RAB12: variants seen among roughly 807,000 people sequenced by gnomAD.
RAB12 encodes the protein RAB12, member RAS oncogene family.
A neutral mutation model predicts 28.4 loss-of-function variants in RAB12; 11 were observed. The observed-to-expected ratio is 0.39, with a 90% CI of 0.24 to 0.64. The LOEUF (loss-of-function observed/expected upper bound fraction) is 0.64. RAB12 is among the 30% of genes least tolerant of loss of function. RAB12 has a pLI of 0.50. For synonymous variants in RAB12, 138 were observed against 145.3 expected, an observed-to-expected ratio of 0.95 and a Z score of 0.36; for missense variants, 276 against 351.1, an observed-to-expected ratio of 0.79 and a Z score of 1.71.
intron 1 of RAB12, among the ~76,000 whole-genome samples, chr18:8,621,012 A>C (rs1056818192): frequency 6.6e-6 from 1 of 152,184 alleles, no homozygotes; most frequent in African/African-American, 2.4e-5. Flanking sequence ...GAGGTTTTCA[A>C]AGGCAGGGAC....
chr18:8,634,283 CTT>C (rs752637908), intron 3 of RAB12, among the ~76,000 whole-genome samples: 5,156 of 92,506 alleles, frequency 0.056, 345 homozygotes, highest in African/African-American at 0.18. Flanking sequence ...CTCTCTCTCT[CTT>C]TTTTTTTTTT....
rs147768352 is a variant in RAB12 at position 8,625,008 on chromosome 18, A to C, written c.575+10A>C. 452 of 1,569,848 alleles carry C rather than the reference A, an allele frequency of 2.9e-4. 3 individuals carry two copies. In the African/African-American group the frequency reaches 3.5e-3, roughly 12 times the overall value. On this transcript the variant is annotated intron_variant, in intron 2 of 5. Transcript: ENST00000649141. ...TTAGATTACAGATCTGGTAAGTGGG[A>C]GAGTGTGCACCCAGTAATGTGCTGT...
intron 1 of RAB12, among the ~76,000 whole-genome samples, chr18:8,620,489 C>T (rs2096009310): frequency 6.6e-6 from 1 of 151,904 alleles, no homozygotes; most frequent in African/African-American, 2.4e-5. Flanking sequence ...GCTGCACACA[C>T]TCATATTTCC....
intron 2 of RAB12, 92 bp downstream of exon 2, chr18:8,625,090 C>A: frequency 1.3e-6 from 1 of 776,836 alleles, no homozygotes; most frequent in Non-Finnish European, 2.1e-6. Flanking sequence ...AGCTGATTTG[C>A]CTCTCCTACT....
At chr18:8,632,333 A>G (rs1359295147) in intron 2 of RAB12, among the ~76,000 whole-genome samples, 1 of 149,396 alleles carries the variant, frequency 6.7e-6, no homozygotes, top group Non-Finnish European at 1.5e-5. Context: ...TTTTTGTTTG[A>G]GTGTAACTTG....
At chr18:8,631,370 C>T (rs1377835497) in intron 2 of RAB12, among the ~76,000 whole-genome samples, 2 of 152,130 alleles carry the variant, frequency 1.3e-5, no homozygotes, top group Non-Finnish European at 2.9e-5. Context: ...CAGCTTCCAC[C>T]ATTTTACACA....
intron 1 of RAB12, among the ~76,000 whole-genome samples, chr18:8,622,656 G>A (rs1261119442): frequency 6.6e-6 from 1 of 152,234 alleles, no homozygotes. Flanking sequence ...CATTGTCATT[G>A]ATAACATCTT....
At chr18:8,637,998 G>A (rs2096019892) in intron 5 of RAB12, 151 bp from the exon 6 acceptor site, 4 of 589,806 alleles carry the variant, frequency 6.8e-6, no homozygotes, top group African/African-American at 1.9e-5. Context: ...AGGAGAAGGT[G>A]AGTGGGGAGG....
rs1321568821 is a variant in RAB12 at position 8,610,092 on chromosome 18, C to T, written c.514+139C>T. On this transcript the variant is annotated intron_variant, in intron 1 of 5. Transcript: ENST00000649141. ...CGGTGAAACTAGGGGCGGGGGTCTC[C>T]TTGGAGCGCCCTGCATCCCAATCCC... The T allele has an allele frequency of 9.5e-6, 6 of 629,416 alleles. No individual in the cohort carries two copies. In the East Asian group the frequency reaches 2.0e-4, roughly 21 times the overall value. 39.0% of individuals were successfully genotyped at this position (629,416 alleles called of 1,614,324 possible).
rs140703628 is a variant in RAB12, at chr18:8,620,944, AC to A, written c.515-3993del. ...CAAGGAGTTTCTCTAAGAAGAGAGA[AC>A]AGCAAAGACAGATGCTTTGCCAAGT... On this transcript the variant is annotated intron_variant, in intron 1 of 5. Transcript: ENST00000649141. 2.0e-3 allele frequency among the ~76,000 whole-genome samples: 308 copies of A among 152,332 alleles called. 1 individual carries two copies. The highest frequency in any genetic ancestry group is 7.2e-3 in the African/African-American group (299 of 41,582).
chr18:8,609,722 G>A lies in RAB12; in HGVS notation c.283G>A (p.Ala95Thr). The change falls in exon 1 of 6, where the codon GCG becomes ACG. Residue 95 changes from alanine (A) to threonine (T), a missense_variant. This residue lies in a region of RAB12 where 72 missense variants were observed against 55.5 expected (regional missense o/e 1.30). Transcript: ENST00000649141. ...GGRRAEREPH[A>T]CMDPGAALQR... is the part of the protein sequence containing the mutation. ...GCGGCGGGCCGAGCGGGAGCCGCAT[G>A]CGTGTATGGATCCGGGCGCCGCGCT... is the stretch of plus-strand genomic sequence containing the variant. 1 of 1,126,482 alleles carries A rather than the reference G, an allele frequency of 8.9e-7. No individual in the cohort carries two copies. Among genetic ancestry groups the A allele is most frequent in the East Asian group, 4.6e-5 (1 of 21,818 alleles). 69.8% of individuals were successfully genotyped at this position (1,126,482 alleles called of 1,614,324 possible).
chr18:8,619,107 A>G (rs1020125754), intron 1 of RAB12, among the ~76,000 whole-genome samples: 1 of 152,218 alleles, frequency 6.6e-6, no homozygotes, highest in Non-Finnish European at 1.5e-5. Context: ...TGGCAGTGAC[A>G]ACTACTGTTT....
chr18:8,616,773 T>A (rs1164132443), intron 1 of RAB12, among the ~76,000 whole-genome samples: 60 of 139,802 alleles, frequency 4.3e-4, no homozygotes, highest in South Asian at 8.9e-4. Flanking sequence ...AAAAAAAAAA[T>A]GAAAAATTAG....
At chr18:8,632,811 C>A in intron 2 of RAB12, 1 of 230,480 alleles carries the variant, frequency 4.3e-6, no homozygotes, top group Non-Finnish European at 8.4e-6. Flanking sequence ...TTTGGAAACT[C>A]TGTATTTTAA....
chr18:8,615,203 C>T (rs1247500511), intron 1 of RAB12, among the ~76,000 whole-genome samples: 1 of 152,160 alleles, frequency 6.6e-6, no homozygotes, highest in Non-Finnish European at 1.5e-5. Context: ...GAGTGTGAAT[C>T]CCTTGCAGAA....
chr18:8,624,848 A>T, intron 1 of RAB12, 90 bp from the exon 2 acceptor site: 1 of 871,346 alleles, frequency 1.1e-6, no homozygotes, highest in Admixed American at 2.3e-5. Flanking sequence ...TTTTTCTGAT[A>T]ATGATAACAA....
chr18:8,638,059 C>T lies in RAB12; in HGVS notation c.910-90C>T. Reference sequence around the variant, plus strand: ...TGAAAAGCAGCTGTGTATAAGTGGACCTGTGCAGTTGAAACTCATGTTCAA... The same window carrying T: ...TGAAAAGCAGCTGTGTATAAGTGGATCTGTGCAGTTGAAACTCATGTTCAA... On this transcript the variant is annotated intron_variant, in intron 5 of 5. Transcript: ENST00000649141. 6.7e-6 allele frequency: 5 copies of T among 750,176 alleles called. No individual in the cohort carries two copies. The South Asian group carries it at 8.0e-5, about 12-fold the overall frequency. The allele number at this position is 750,176 out of a possible 1,614,324, so 46.5% of individuals were successfully genotyped here.
intron 2 of RAB12, among the ~76,000 whole-genome samples, chr18:8,631,082 G>A (rs1456259610): frequency 6.6e-6 from 1 of 152,198 alleles, no homozygotes; most frequent in Admixed American, 6.5e-5. Flanking sequence ...AGAGACGGGG[G>A]TTTCACCATG....
At chr18:8,632,046 C>G (rs1295671655) in intron 2 of RAB12, among the ~76,000 whole-genome samples, 1 of 152,062 alleles carries the variant, frequency 6.6e-6, no homozygotes, top group Non-Finnish European at 1.5e-5. Context: ...CTTTGGGAGG[C>G]CAAGGCAGGT....
Sources: gnomAD v4.1 joint callset for allele counts (sites outside exome capture counted in the v4.1 genomes callset) on GRCh38, gnomAD v4.1.1 for gene constraint, gnomAD v4.1.1 regional missense constraint, MANE v1.5 for transcripts, NCBI Gene and HGNC (gene_info 2026-07-23, HGNC 2026-07-21) for gene names.